The following CD2AP variants were observed in gnomAD, a reference collection of about 807,000 sequenced individuals.
CD2AP encodes CD2-associated protein.
A neutral mutation model predicts 85.1 loss-of-function variants in CD2AP; 46 were observed. That is an observed-to-expected ratio of 0.54 (90% confidence interval 0.43 to 0.69). CD2AP has a LOEUF of 0.69. Among genes scored for constraint, CD2AP ranks in the 30% least tolerant of loss-of-function variants. The pLI is 0.00. For missense variants in CD2AP, 769 were observed against 729.5 expected (o/e 1.05, Z -0.62); for synonymous variants, 255 against 252.9 (o/e 1.01, Z -0.08).
rs534680681 is a variant in CD2AP at position 47,521,975 on chromosome 6, A to G, written c.166-11627A>G. 1.4e-4 allele frequency among the ~76,000 whole-genome samples: 22 copies of G among 152,166 alleles called. 1 individual carries two copies. The highest frequency in any genetic ancestry group is 2.9e-5 in the Non-Finnish European group (2 of 68,022). On this transcript the variant is annotated intron_variant, in intron 2 of 17. Transcript: ENST00000359314. The stretch of plus-strand genomic sequence containing the variant: ...GGTTGCAGTGAGCCGAGATCATGCC[A>G]TTGCACTCTAGCCTGGGCAACAAGA...
At chr6:47,499,480 A>G (rs1205021023) in intron 1 of CD2AP, among the ~76,000 whole-genome samples, 1 of 151,684 alleles carries the variant, frequency 6.6e-6, no homozygotes, top group Non-Finnish European at 1.5e-5. Flanking sequence ...TATGCTTGTA[A>G]CTCCTTTCTC....
At position 47,624,257 on chromosome 6, in the gene CD2AP, C is replaced by A. The variant is rs1254137090; in HGVS notation, c.*30C>A. The A allele has an allele frequency of 6.3e-7, 1 of 1,580,648 alleles. No homozygotes were observed. The highest frequency in any genetic ancestry group is 1.7e-5 in the Admixed American group (1 of 59,904). Reference sequence around the variant, plus strand: ...TGTGGACCTGGTGTTCATAATGTTCCAGGGATTCAGAAGCAACGCTATGAA... The same window carrying A: ...TGTGGACCTGGTGTTCATAATGTTCAAGGGATTCAGAAGCAACGCTATGAA... On this transcript the variant is annotated 3_prime_UTR_variant, in exon 18 of 18. Coordinates refer to ENST00000359314, the MANE Select transcript of CD2AP (RefSeq NM_012120.3).
chr6:47,566,799 C>T (rs1183802227), intron 5 of CD2AP, among the ~76,000 whole-genome samples: 1 of 152,146 alleles, frequency 6.6e-6, no homozygotes, highest in Non-Finnish European at 1.5e-5. Flanking sequence ...TGATCTCATT[C>T]CTTTTTATGG....
chr6:47,486,335 A>C (rs1321413789), intron 1 of CD2AP, among the ~76,000 whole-genome samples: 1 of 152,168 alleles, frequency 6.6e-6, no homozygotes, highest in African/African-American at 2.4e-5. Context: ...TTTTTGATGA[A>C]TGTCATGAAT....
In CD2AP at chr6:47,478,148, G is replaced by C. The variant is rs1359550760; in HGVS notation, c.-97G>C. The C allele has an allele frequency of 8.9e-6, 13 of 1,465,114 alleles. No homozygotes were observed. The highest frequency in any genetic ancestry group is 1.2e-5 in the Non-Finnish European group (13 of 1,071,302). The allele number at this position is 1,465,114 out of a possible 1,614,324, so 90.8% of individuals were successfully genotyped here. Reference sequence around the variant, plus strand: ...CTCAGGAGGGGCTAGCGCGGAGCGCGGGTCCCGCCTCCAGCCGCGGGAGCG... The same window carrying C: ...CTCAGGAGGGGCTAGCGCGGAGCGCCGGTCCCGCCTCCAGCCGCGGGAGCG... On this transcript the variant is annotated 5_prime_UTR_variant, in exon 1 of 18. Transcript: ENST00000359314.
chr6:47,558,827 G>T (rs563860103), intron 5 of CD2AP, among the ~76,000 whole-genome samples: 1 of 152,166 alleles, frequency 6.6e-6, no homozygotes, highest in African/African-American at 2.4e-5. Flanking sequence ...TCAGGATGAT[G>T]CTGGCATCAT....
chr6:47,535,726 G>A (rs1005874523), intron 3 of CD2AP, among the ~76,000 whole-genome samples: 1 of 152,132 alleles, frequency 6.6e-6, no homozygotes, highest in African/African-American at 2.4e-5. Context: ...CTTGGAGACT[G>A]GGGGACAAAT....
At chr6:47,568,025 A>G (rs912348485) in intron 5 of CD2AP, among the ~76,000 whole-genome samples, 16 of 152,162 alleles carry the variant, frequency 1.1e-4, no homozygotes, top group Non-Finnish European at 2.1e-4. Flanking sequence ...ATGGAGAGAC[A>G]CGTGTAGAAT....
At position 47,574,213 on chromosome 6, in the gene CD2AP, A is replaced by C. The variant is rs1768238236; in HGVS notation, c.691A>C (p.Thr231Pro). 3.1e-6 allele frequency: 5 copies of C among 1,613,952 alleles called. No homozygotes were observed. The South Asian group carries it at 4.4e-5, about 14-fold the overall frequency. The change falls in exon 6 of 18, where the codon ACA becomes CCA. Residue 231 changes from threonine to proline, a missense_variant. Transcript: ENST00000359314. ...AGGCTCTGTGAAACTTCGGACAAGA[A>C]CATCCAGTAGTGAAACAGAAGAGAA... ...KEGSVKLRTR[T>P]SSSETEEKKP...
chr6:47,490,318 A>G (rs1158798536), intron 1 of CD2AP, among the ~76,000 whole-genome samples: 1 of 152,160 alleles, frequency 6.6e-6, no homozygotes, highest in Non-Finnish European at 1.5e-5. Flanking sequence ...TAACTGTTAC[A>G]CATTGGTCTT....
intron 6 of CD2AP, among the ~76,000 whole-genome samples, chr6:47,576,007 T>C (rs1469084312): frequency 6.6e-6 from 1 of 152,230 alleles, no homozygotes; most frequent in Non-Finnish European, 1.5e-5. Context: ...CTATTTGCAC[T>C]ATTTATATAA....
chr6:47,499,879 C>A lies in CD2AP; in HGVS notation c.5-3401C>A, dbSNP rs540109292. Among the ~76,000 whole-genome samples the A allele has an allele frequency of 2.0e-5, 3 of 152,226 alleles. No homozygotes were observed. The East Asian group carries it at 5.8e-4, about 29-fold the overall frequency. On this transcript the variant is annotated intron_variant, in intron 1 of 17. Coordinates refer to ENST00000359314, the MANE Select transcript of CD2AP (RefSeq NM_012120.3). ...GAGTAGCTGGGACTACAGGCATATG[C>A]CACCACGCCCGGCTAATTTTTGTAT...
At chr6:47,548,292 T>A (rs1767420454) in intron 4 of CD2AP, among the ~76,000 whole-genome samples, 1 of 151,926 alleles carries the variant, frequency 6.6e-6, no homozygotes, top group Non-Finnish European at 1.5e-5. Context: ...TAAATAAGAT[T>A]GATAGACCAT....
At chr6:47,603,349 A>G (rs1056270269) in intron 13 of CD2AP, among the ~76,000 whole-genome samples, 3 of 152,034 alleles carry the variant, frequency 2.0e-5, no homozygotes, top group African/African-American at 7.2e-5. Flanking sequence ...ATTGCTTTTC[A>G]TCGTTGTAAT....
At chr6:47,564,099 A>G (rs1767931069) in intron 5 of CD2AP, among the ~76,000 whole-genome samples, 1 of 152,170 alleles carries the variant, frequency 6.6e-6, no homozygotes, top group Non-Finnish European at 1.5e-5. Context: ...CTCGATAACA[A>G]TTCTGAAGTC....
intron 2 of CD2AP, among the ~76,000 whole-genome samples, chr6:47,532,645 A>G (rs1318157557): frequency 6.6e-6 from 1 of 152,072 alleles, no homozygotes; most frequent in Non-Finnish European, 1.5e-5. Flanking sequence ...CACATTGTCT[A>G]ATTCTATCGT....
At chr6:47,567,975 A>G (rs1488223926) in intron 5 of CD2AP, among the ~76,000 whole-genome samples, 1 of 152,160 alleles carries the variant, frequency 6.6e-6, no homozygotes, top group East Asian at 1.9e-4. Flanking sequence ...TGTTTTGATA[A>G]TGAGGTAGAA....
chr6:47,555,804 A>ATT (rs35797696), intron 5 of CD2AP, among the ~76,000 whole-genome samples: 64 of 149,930 alleles, frequency 4.3e-4, no homozygotes, highest in African/African-American at 6.1e-4. Context: ...AACAGGAATA[A>ATT]TTTTTTTTTT....
At chr6:47,479,639 T>C (rs901168430) in intron 1 of CD2AP, among the ~76,000 whole-genome samples, 18 of 152,214 alleles carry the variant, frequency 1.2e-4, no homozygotes, top group African/African-American at 4.1e-4. Context: ...TAAAATCACT[T>C]TAACTGCTTT....
Sources: allele counts gnomAD v4.1 joint callset (sites outside exome capture counted in the v4.1 genomes callset), GRCh38; gene constraint gnomAD v4.1.1; transcripts MANE v1.5; gene names NCBI Gene and HGNC (gene_info 2026-07-23, HGNC 2026-07-21).